The following BANK1 variants were observed in gnomAD, a reference collection of about 807,000 sequenced individuals.
The protein encoded by BANK1 is B cell scaffold protein with ankyrin repeats 1, also known as B-cell scaffold protein with ankyrin repeats.
A neutral mutation model predicts 94.5 loss-of-function variants in BANK1; 95 were observed. That is an observed-to-expected ratio of 1.00 (90% CI 0.85 to 1.19). BANK1 has a LOEUF of 1.19. BANK1 is among the 50% of genes most tolerant of loss of function. BANK1 has a pLI of 0.00. For synonymous variants in BANK1, 334 were observed against 308.4 expected (o/e 1.08, Z -0.87); for missense variants, 987 against 932.2 (o/e 1.06, Z -0.77).
chr4:102,062,621 T>C (rs1728454617), intron 12 of BANK1: 1 of 153,098 alleles, frequency 6.5e-6, no homozygotes, highest in African/African-American at 2.4e-5. Context: ...TTTTTAGAAT[T>C]AGAACACTGG....
At chr4:101,805,604 C>T (rs1725523771) in intron 1 of BANK1, among the ~76,000 whole-genome samples, 1 of 148,748 alleles carries the variant, frequency 6.7e-6, no homozygotes, top group Admixed American at 6.7e-5. Flanking sequence ...TATAATAATA[C>T]ATTATATACA....
chr4:101,895,679 A>T (rs186723146), intron 6 of BANK1, among the ~76,000 whole-genome samples: 1 of 152,072 alleles, frequency 6.6e-6, no homozygotes, highest in East Asian at 1.9e-4. Flanking sequence ...ATGTTTGGGC[A>T]ACTTCATTTA....
At chr4:101,982,194 A>G (rs1212945803) in intron 7 of BANK1, among the ~76,000 whole-genome samples, 1 of 151,896 alleles carries the variant, frequency 6.6e-6, no homozygotes, top group Non-Finnish European at 1.5e-5. Context: ...AACCTTTTAT[A>G]TTTTATGGTG....
intron 2 of BANK1, among the ~76,000 whole-genome samples, chr4:101,844,826 A>G (rs1164157575): frequency 6.6e-6 from 1 of 152,208 alleles, no homozygotes; most frequent in Non-Finnish European, 1.5e-5. Flanking sequence ...CACCAACCCC[A>G]AACAAGCTTC....
At chr4:102,033,464 A>G (rs1192484277) in intron 10 of BANK1, among the ~76,000 whole-genome samples, 2 of 152,170 alleles carry the variant, frequency 1.3e-5, no homozygotes, top group African/African-American at 4.8e-5. Flanking sequence ...TACTAAGTTT[A>G]TTTATTAGTT....
At chr4:102,069,105 G>GT (rs1236966659) in intron 13 of BANK1, among the ~76,000 whole-genome samples, 22 of 152,286 alleles carry the variant, frequency 1.4e-4, no homozygotes, top group African/African-American at 4.8e-4. Flanking sequence ...TGAGAGCCAG[G>GT]TTTTTTATTG....
intron 2 of BANK1, among the ~76,000 whole-genome samples, chr4:101,836,771 G>T (rs77127162): frequency 2.0e-5 from 3 of 152,242 alleles, no homozygotes; most frequent in East Asian, 3.9e-4. Flanking sequence ...CAAAATAATT[G>T]CTCTGTACTC....
chr4:102,007,113 A>T (rs1310014512), intron 7 of BANK1, among the ~76,000 whole-genome samples: 22 of 93,464 alleles, frequency 2.4e-4, no homozygotes, highest in Middle Eastern at 9.4e-3. Context: ...ATATATATAA[A>T]TATATATTTT....
intron 6 of BANK1, among the ~76,000 whole-genome samples, chr4:101,911,442 C>A (rs1268041361): frequency 3.3e-5 from 5 of 151,976 alleles, no homozygotes; most frequent in Admixed American, 1.3e-4. Flanking sequence ...TTTTTGTTTC[C>A]TAGTATATGA....
chr4:101,934,746 G>A (rs528950892), intron 7 of BANK1, among the ~76,000 whole-genome samples: 23 of 151,696 alleles, frequency 1.5e-4, no homozygotes, highest in African/African-American at 5.5e-4. Context: ...AGGGAGCACT[G>A]TAACAAGCAC....
intron 1 of BANK1, among the ~76,000 whole-genome samples, chr4:101,802,539 A>G (rs1169908622): frequency 6.6e-6 from 1 of 152,186 alleles, no homozygotes; most frequent in Non-Finnish European, 1.5e-5. Flanking sequence ...GTCTGCTAAG[A>G]AGTTAGCAAT....
At position 101,870,149 on chromosome 4, in the gene BANK1, C is replaced by G. The variant is rs1028279937; in HGVS notation, c.764-356C>G. On this transcript the variant is annotated intron_variant, in intron 4 of 16. Transcript: ENST00000322953. ...CATAAGATAAATAATAAATACCTAA[C>G]TTTTGATAAATGGCTATACTTTTCC... Among the ~76,000 whole-genome samples, 3 of 151,944 alleles carry G rather than the reference C, an allele frequency of 2.0e-5. No individual in the cohort carries two copies. In the South Asian group the frequency reaches 6.2e-4, roughly 31 times the overall value.
intron 15 of BANK1, among the ~76,000 whole-genome samples, 192 bp downstream of exon 15, chr4:102,072,592 G>C (rs1728795778): frequency 6.6e-6 from 1 of 152,014 alleles, no homozygotes; most frequent in Non-Finnish European, 1.5e-5. Flanking sequence ...AAAACAAAGA[G>C]GGAACTCAAA....
chr4:102,071,215 G>A (rs1295379417), intron 13 of BANK1, 60 bp from the exon 14 acceptor site: 4 of 1,539,952 alleles, frequency 2.6e-6, no homozygotes, highest in Non-Finnish European at 2.7e-6. Flanking sequence ...AAATAAGAGA[G>A]AGAATTTAAG....
At chr4:101,915,542 A>G (rs1297403366) in intron 6 of BANK1, among the ~76,000 whole-genome samples, 1 of 152,140 alleles carries the variant, frequency 6.6e-6, no homozygotes, top group Admixed American at 6.6e-5. Flanking sequence ...GAGACAATTA[A>G]CAAGAGAAAT....
chr4:101,985,816 T>C (rs1578437121), intron 7 of BANK1, among the ~76,000 whole-genome samples: 1 of 152,166 alleles, frequency 6.6e-6, no homozygotes, highest in East Asian at 1.9e-4. Flanking sequence ...ACATTAATTA[T>C]AAATAACATC....
At chr4:101,889,324 A>T (rs1345541920) in intron 5 of BANK1, among the ~76,000 whole-genome samples, 1 of 152,068 alleles carries the variant, frequency 6.6e-6, no homozygotes, top group Non-Finnish European at 1.5e-5. Flanking sequence ...TCTTGCTAGA[A>T]GTTTGTCAAT....
In BANK1 at chr4:101,797,145, GAA is replaced by G. The variant is rs1725183540; in HGVS notation, c.70+6198_70+6199del. Among the ~76,000 whole-genome samples, 6 of 152,088 alleles carry G rather than the reference GAA, an allele frequency of 3.9e-5. No individual in the cohort carries two copies. In the South Asian group the frequency reaches 1.2e-3, roughly 32 times the overall value. On this transcript the variant is annotated intron_variant, in intron 1 of 16. Transcript: ENST00000322953. Reference sequence around the variant, plus strand: ...TAGTGTGTTATTAATGTTCACCTTAGAAAACAAGAATTCAATGTGTTCTTGCT... The same window carrying G: ...TAGTGTGTTATTAATGTTCACCTTAGAACAAGAATTCAATGTGTTCTTGCT...
intron 1 of BANK1, among the ~76,000 whole-genome samples, chr4:101,805,390 T>C (rs1204962598): frequency 1.3e-5 from 2 of 152,072 alleles, no homozygotes; most frequent in Non-Finnish European, 2.9e-5. Context: ...TGGGATGCTC[T>C]TTAAAGAAAA....
Sources: gnomAD v4.1 joint callset for allele counts (sites outside exome capture counted in the v4.1 genomes callset) on GRCh38, gnomAD v4.1.1 for gene constraint, MANE v1.5 for transcripts, NCBI Gene and HGNC (gene_info 2026-07-23, HGNC 2026-07-21) for gene names.